Variants in PLXNA4 observed in about 807,000 individuals in gnomAD.
The protein encoded by PLXNA4 is plexin-A4.
In PLXNA4, 44 loss-of-function variants were observed where a neutral mutation model predicts 191.8. That is an observed-to-expected ratio of 0.23 (90% CI 0.18 to 0.29). The LOEUF (loss-of-function observed/expected upper bound fraction) is 0.29, where lower values mean the gene tolerates loss of function less well. Among genes scored for constraint, PLXNA4 ranks in the 10% least tolerant of loss-of-function variants. The pLI is 1.00. For missense variants in PLXNA4, 1,800 were observed against 2,488.8 expected (o/e 0.72, Z 5.89); for synonymous variants, 1,082 against 1,009.5 (o/e 1.07, Z -1.36).
chr7:132,268,927 CT>C (rs1563002467), intron 4 of PLXNA4, among the ~76,000 whole-genome samples: 1 of 152,200 alleles, frequency 6.6e-6, no homozygotes, highest in Non-Finnish European at 1.5e-5. Context: ...CACGGTAGCA[CT>C]TCATTTAGGG....
At chr7:132,484,510 TC>T (rs1355672691) in intron 3 of PLXNA4, among the ~76,000 whole-genome samples, 5 of 152,120 alleles carry the variant, frequency 3.3e-5, no homozygotes, top group African/African-American at 1.2e-4. Context: ...AAATAGAGGG[TC>T]TTTTCCTGTC....
chr7:132,243,912 A>G (rs1249783671), intron 4 of PLXNA4, among the ~76,000 whole-genome samples: 2 of 149,890 alleles, frequency 1.3e-5, no homozygotes, highest in African/African-American at 4.9e-5. Context: ...TTTTTTTTTT[A>G]GTACCTTGAT....
intron 2 of PLXNA4, among the ~76,000 whole-genome samples, chr7:132,595,821 A>G (rs1050764741): frequency 6.6e-6 from 1 of 152,204 alleles, no homozygotes; most frequent in Non-Finnish European, 1.5e-5. Context: ...ACCTATACCC[A>G]ATAATTGTTA....
chr7:132,312,878 T>C (rs1367891798), intron 3 of PLXNA4, among the ~76,000 whole-genome samples: 1 of 152,152 alleles, frequency 6.6e-6, no homozygotes, highest in African/African-American at 2.4e-5. Context: ...TAGCACTTAT[T>C]TACATGAGGG....
intron 3 of PLXNA4, among the ~76,000 whole-genome samples, chr7:132,450,940 C>T (rs1397094654): frequency 6.6e-6 from 1 of 152,092 alleles, no homozygotes; most frequent in Non-Finnish European, 1.5e-5. Flanking sequence ...AATCTTTGAC[C>T]CAAGGCTAAG....
chr7:132,605,351 C>G (rs1024511690), intron 2 of PLXNA4, among the ~76,000 whole-genome samples: 1 of 152,156 alleles, frequency 6.6e-6, no homozygotes, highest in Non-Finnish European at 1.5e-5. Flanking sequence ...GTCTGAGAAA[C>G]AGCTGTAAGA....
intron 2 of PLXNA4, among the ~76,000 whole-genome samples, chr7:132,615,547 A>T (rs1585406837): frequency 6.6e-6 from 1 of 152,128 alleles, no homozygotes; most frequent in Non-Finnish European, 1.5e-5. Context: ...TCTGGTGTCC[A>T]CTTCGGGATC....
chr7:132,370,772 C>A (rs1403892998), intron 3 of PLXNA4, among the ~76,000 whole-genome samples: 1 of 152,186 alleles, frequency 6.6e-6, no homozygotes, highest in Non-Finnish European at 1.5e-5. Flanking sequence ...CTGCCCTGCT[C>A]AAGCCCCTAG....
chr7:132,390,689 C>A (rs1046199921), intron 3 of PLXNA4, among the ~76,000 whole-genome samples: 2 of 152,142 alleles, frequency 1.3e-5, no homozygotes, highest in African/African-American at 4.8e-5. Context: ...TTCTTCTCTG[C>A]CCCATGAGTC....
intron 20 of PLXNA4, among the ~76,000 whole-genome samples, chr7:132,179,126 C>T (rs552739618): frequency 4.2e-3 from 371 of 87,602 alleles, no homozygotes; most frequent in Middle Eastern, 6.9e-3. Context: ...CATACACGTG[C>T]GTGCTCACAC....
At chr7:132,617,219 C>T (rs1803173432) in intron 2 of PLXNA4, among the ~76,000 whole-genome samples, 1 of 152,150 alleles carries the variant, frequency 6.6e-6, no homozygotes, top group African/African-American at 2.4e-5. Flanking sequence ...AGCTGTCATG[C>T]TGAGAGGGTG....
intron 30 of PLXNA4, among the ~76,000 whole-genome samples, chr7:132,134,816 C>T (rs1406703115): frequency 2.0e-5 from 3 of 152,156 alleles, no homozygotes; most frequent in African/African-American, 7.2e-5. Context: ...CGCCCCTCCT[C>T]CACCTTCAGA....
chr7:132,612,654 T>C (rs1382577631), intron 2 of PLXNA4, among the ~76,000 whole-genome samples: 2 of 115,076 alleles, frequency 1.7e-5, no homozygotes, highest in African/African-American at 3.6e-5. Context: ...ACAGAAAGAG[T>C]CTCCATCTCA....
chr7:132,130,229 A>G lies in PLXNA4; in HGVS notation c.*250T>C, dbSNP rs1794885795. ...ACATCTTCTGGTCAGCTCCCTTGCC[A>G]TGGGCCTGGCCATTCTTGGACTAAC... On this transcript the variant is annotated 3_prime_UTR_variant, in exon 32 of 32. Coordinates refer to ENST00000321063, the MANE Select transcript of PLXNA4 (RefSeq NM_020911.2). 1 of 482,136 alleles carries G rather than the reference A, an allele frequency of 2.1e-6. No individual in the cohort carries two copies. Among genetic ancestry groups the G allele is most frequent in the African/African-American group, 1.9e-5 (1 of 51,546 alleles). 29.9% of individuals were successfully genotyped at this position (482,136 alleles called of 1,614,324 possible).
At chr7:132,476,960 C>T (rs969904706) in intron 3 of PLXNA4, among the ~76,000 whole-genome samples, 1 of 152,060 alleles carries the variant, frequency 6.6e-6, no homozygotes, top group African/African-American at 2.4e-5. Context: ...AAGTAAATCA[C>T]AGGAAAATCA....
chr7:132,597,859 C>CTA lies in PLXNA4; in HGVS notation c.-87+48067_-87+48068dup, dbSNP rs1554476079. Among the ~76,000 whole-genome samples, 933 of 145,344 alleles carry CTA rather than the reference C, an allele frequency of 6.4e-3. 11 individuals carry two copies. The highest frequency in any genetic ancestry group is 0.021 in the African/African-American group (821 of 39,924). On this transcript the variant is annotated intron_variant, in intron 2 of 4. Coordinates refer to the PLXNA4 transcript ENST00000378539. ...TGTTGCGCTCTCTCTCTCTCTCTCT[C>CTA]TATATATATATATACATCCAATCTG...
chr7:132,548,256 C>G (rs1563164738), intron 1 of PLXNA4, among the ~76,000 whole-genome samples: 1 of 152,152 alleles, frequency 6.6e-6, no homozygotes, highest in African/African-American at 2.4e-5. Flanking sequence ...CCCTAGCCCT[C>G]ATTACAAATC....
Position 132,126,184 on chromosome 7 carries a change from G to A in PLXNA4, c.*4295C>T, listed in dbSNP as rs1377130304. 1 of 152,412 alleles carries A rather than the reference G, an allele frequency of 6.6e-6. No homozygotes were observed. The highest frequency in any genetic ancestry group is 1.5e-5 in the Non-Finnish European group (1 of 68,236). The allele number at this position is 152,412 out of a possible 1,614,324, so 9.4% of individuals were successfully genotyped here. On this transcript the variant is annotated 3_prime_UTR_variant, in exon 32 of 32. Transcript: ENST00000321063. Reference sequence around the variant, plus strand: ...CATCACAGCATCGTTCACGGCTCTGGAAACAGTGGTAAGGATTCTTCTTGC... The same window carrying A: ...CATCACAGCATCGTTCACGGCTCTGAAAACAGTGGTAAGGATTCTTCTTGC...
chr7:132,364,674 AC>A (rs1785539740), intron 3 of PLXNA4, among the ~76,000 whole-genome samples: 1 of 152,122 alleles, frequency 6.6e-6, no homozygotes. Context: ...TTATCACCAA[AC>A]ATACCCATTC....
Sources: gnomAD v4.1 joint callset for allele counts (sites outside exome capture counted in the v4.1 genomes callset) on GRCh38, gnomAD v4.1.1 for gene constraint, MANE v1.5 for transcripts, NCBI Gene and HGNC (gene_info 2026-07-23, HGNC 2026-07-21) for gene names.